RARRES1: variants seen among roughly 807,000 people sequenced by gnomAD.
RARRES1 encodes retinoic acid receptor responder 1, also known as retinoic acid receptor responder protein 1.
RARRES1 carries 34 observed loss-of-function variants against 30.6 expected under a neutral mutation model. That is an observed-to-expected ratio of 1.11 (90% CI 0.84 to 1.48). The LOEUF (loss-of-function observed/expected upper bound fraction) is 1.48. Ranked by LOEUF, RARRES1 falls within the 40% of genes most tolerant of loss-of-function variation. The pLI is 0.00. For missense variants in RARRES1, 373 were observed against 386.5 expected (o/e 0.97, Z 0.29); for synonymous variants, 153 against 155.5 (o/e 0.98, Z 0.12).
intron 3 of RARRES1, among the ~76,000 whole-genome samples, chr3:158,706,884 A>G (rs962601526): frequency 1.3e-5 from 2 of 152,142 alleles, no homozygotes; most frequent in African/African-American, 4.8e-5. Context: ...AGTGCTGCAG[A>G]TAGGCCGGGC....
At chr3:158,724,397 T>C (rs1451566135) in intron 1 of RARRES1, among the ~76,000 whole-genome samples, 1 of 152,214 alleles carries the variant, frequency 6.6e-6, no homozygotes, top group East Asian at 1.9e-4. Flanking sequence ...GGGATTATCC[T>C]GGATTATTCC....
chr3:158,704,864 G>C lies in RARRES1; in HGVS notation c.599C>G (p.Ser200Cys). 3.7e-6 allele frequency: 6 copies of C among 1,614,042 alleles called. No individual in the cohort carries two copies. Among genetic ancestry groups the C allele is most frequent in the Non-Finnish European group, 5.1e-6 (6 of 1,180,018 alleles). ...LIWDLAFLGS[S>C]YVMWEMTTQV... ...TGTTGTCATTTCCCACATCACGTAA[G>C]AGCTTCCAAGGAAAGCCAAATCCCA... Residue 200 changes from serine (S) to cysteine (C), a missense_variant, in exon 4 of 6, where the codon TCT becomes TGT. By Grantham distance (112) the Ser-to-Cys change is moderately radical. Transcript: ENST00000237696.
At chr3:158,709,608 C>T (rs1446254819) in intron 3 of RARRES1, among the ~76,000 whole-genome samples, 1 of 152,138 alleles carries the variant, frequency 6.6e-6, no homozygotes, top group African/African-American at 2.4e-5. Context: ...CTCAGTAAAT[C>T]GATGGGGAGC....
intron 2 of RARRES1, among the ~76,000 whole-genome samples, chr3:158,712,878 G>A (rs896090930): frequency 1.3e-5 from 2 of 152,222 alleles, no homozygotes; most frequent in Non-Finnish European, 2.9e-5. Context: ...TCTAGTAATT[G>A]TATTCCCTCT....
rs148461641 is a variant in RARRES1 at position 158,711,189 on chromosome 3, A to T, written c.340-256T>A. Among the ~76,000 whole-genome samples the T allele has an allele frequency of 3.9e-4, 60 of 152,282 alleles. 1 individual carries two copies. Among genetic ancestry groups the T allele is most frequent in the African/African-American group, 1.4e-3 (57 of 41,574 alleles). On this transcript the variant is annotated intron_variant, in intron 2 of 5. Transcript: ENST00000237696. The stretch of plus-strand genomic sequence containing the variant: ...GCATATTTCCAAAGAAATATCATTG[A>T]CATCCATTGAGCACTGCTTGGCTCA...
Position 158,697,570 on chromosome 3 carries a change from G to A in RARRES1, c.*108C>T. On this transcript the variant is annotated 3_prime_UTR_variant, in exon 6 of 6. Transcript: ENST00000237696. The stretch of plus-strand genomic sequence containing the variant: ...TCTGAGTTTTTACTTGTAATCATAG[G>A]TTTTCCCAAATTATTAGAATGTCTA... The A allele has an allele frequency of 2.4e-6, 3 of 1,228,310 alleles. No homozygotes were observed. Among genetic ancestry groups the A allele is most frequent in the Non-Finnish European group, 3.4e-6 (3 of 885,848 alleles). 76.1% of individuals were successfully genotyped at this position (1,228,310 alleles called of 1,614,324 possible).
At chr3:158,727,898 T>TA (rs1298248648) in intron 1 of RARRES1, among the ~76,000 whole-genome samples, 1 of 152,190 alleles carries the variant, frequency 6.6e-6, no homozygotes, top group Non-Finnish European at 1.5e-5. Context: ...AGCTAGCACT[T>TA]AGTTCTTCCT....
chr3:158,731,349 A>G (rs2108159515), intron 1 of RARRES1, among the ~76,000 whole-genome samples: 1 of 152,336 alleles, frequency 6.6e-6, no homozygotes, highest in Admixed American at 6.5e-5. Flanking sequence ...GAGGTTGTAG[A>G]AGGAGCAACT....
intron 4 of RARRES1, among the ~76,000 whole-genome samples, chr3:158,700,202 A>AGTGTGTGTGTGTGTGTGT (rs138755640): frequency 3.4e-5 from 5 of 147,784 alleles, no homozygotes; most frequent in African/African-American, 1.3e-4. Context: ...AATAATAATA[A>AGTGTGTGTGTGTGTGTGT]GTGTGTGTGT....
intron 4 of RARRES1, among the ~76,000 whole-genome samples, chr3:158,702,390 G>A (rs771159690): frequency 3.3e-5 from 5 of 152,120 alleles, no homozygotes; most frequent in Non-Finnish European, 5.9e-5. Flanking sequence ...GCTTTCGTAC[G>A]TGCAGTTTGG....
chr3:158,720,526 C>T (rs1727482165), intron 1 of RARRES1, among the ~76,000 whole-genome samples: 1 of 148,808 alleles, frequency 6.7e-6, no homozygotes, highest in Admixed American at 6.6e-5. Flanking sequence ...CATGCTTCCT[C>T]TGAGACTCTG....
chr3:158,703,395 T>C (rs1226428981), intron 4 of RARRES1, among the ~76,000 whole-genome samples: 1 of 152,138 alleles, frequency 6.6e-6, no homozygotes, highest in Non-Finnish European at 1.5e-5. Flanking sequence ...CATCGACATA[T>C]AAACATGCTG....
chr3:158,704,580 T>C, intron 4 of RARRES1: 1 of 597,744 alleles, frequency 1.7e-6, no homozygotes, highest in Non-Finnish European at 2.6e-6. Context: ...AGAATTAATC[T>C]CAATGAGGGC....
intron 2 of RARRES1, among the ~76,000 whole-genome samples, chr3:158,712,917 ACAAT>A (rs1727186691): frequency 6.6e-6 from 1 of 152,154 alleles, no homozygotes; most frequent in East Asian, 1.9e-4. Context: ...TGCAACACTA[ACAAT>A]CAAAGGCATC....
intron 1 of RARRES1, among the ~76,000 whole-genome samples, chr3:158,730,891 C>G (rs1727862196): frequency 6.6e-6 from 1 of 152,210 alleles, no homozygotes; most frequent in African/African-American, 2.4e-5. Flanking sequence ...TCAAGCGATT[C>G]TCCTGCCTCA....
intron 3 of RARRES1, among the ~76,000 whole-genome samples, chr3:158,709,148 T>A (rs1727030208): frequency 6.6e-6 from 1 of 152,180 alleles, no homozygotes. Context: ...TTTTTTGAAG[T>A]TTCACAGTAG....
intron 4 of RARRES1, among the ~76,000 whole-genome samples, chr3:158,698,932 A>G (rs1726636956): frequency 6.6e-6 from 1 of 152,072 alleles, no homozygotes; most frequent in South Asian, 2.1e-4. Flanking sequence ...CCCTTTTACC[A>G]GACACTCCCT....
At chr3:158,706,088 A>T (rs1457651593) in intron 3 of RARRES1, among the ~76,000 whole-genome samples, 1 of 152,224 alleles carries the variant, frequency 6.6e-6, no homozygotes, top group Non-Finnish European at 1.5e-5. Flanking sequence ...CTTCTGGGTA[A>T]AGTAATCCTT....
rs766521481 is a variant in RARRES1 at position 158,713,749 on chromosome 3, A to G, written c.339+48T>C. 5 of 1,537,990 alleles carry G rather than the reference A, an allele frequency of 3.3e-6. No homozygotes were observed. The African/African-American group carries it at 4.1e-5, about 13-fold the overall frequency. On this transcript the variant is annotated intron_variant, in intron 2 of 5. Transcript: ENST00000237696. ...GATTCTCACTTTTTTACAAAGCCAT[A>G]TTTATAGCAGTTGCTAATAGGATAC...
Sources: gnomAD v4.1 joint callset for allele counts (sites outside exome capture counted in the v4.1 genomes callset) on GRCh38, gnomAD v4.1.1 for gene constraint, MANE v1.5 for transcripts, NCBI Gene and HGNC (gene_info 2026-07-23, HGNC 2026-07-21) for gene names.